Variants in SRPK2 observed in about 807,000 individuals in gnomAD.
The protein encoded by SRPK2 is SRSF protein kinase 2.
A neutral mutation model predicts 90.8 loss-of-function variants in SRPK2; 21 were observed. The ratio of observed to expected loss-of-function variants is 0.23; its 90% CI spans 0.16 to 0.33. SRPK2 has a LOEUF of 0.33. SRPK2 is among the 10% of genes least tolerant of loss of function. The pLI is 1.00. For missense variants in SRPK2, 620 were observed against 869.0 expected (o/e 0.71, Z 3.60); for synonymous variants, 288 against 311.1 (o/e 0.93, Z 0.78).
intron 2 of SRPK2, among the ~76,000 whole-genome samples, chr7:105,355,991 T>C (rs1489183077): frequency 6.6e-6 from 1 of 152,082 alleles, no homozygotes; most frequent in Non-Finnish European, 1.5e-5. Context: ...GAAGTTTCAG[T>C]GAGCTGAGAC....
At chr7:105,300,393 T>C (rs1810396510) in intron 2 of SRPK2, among the ~76,000 whole-genome samples, 1 of 151,808 alleles carries the variant, frequency 6.6e-6, no homozygotes, top group African/African-American at 2.4e-5. Context: ...CAAACACAAA[T>C]GTGACTATAA....
chr7:105,314,608 T>C (rs1295321839), intron 2 of SRPK2, among the ~76,000 whole-genome samples: 1 of 152,090 alleles, frequency 6.6e-6, no homozygotes, highest in Non-Finnish European at 1.5e-5. Flanking sequence ...GGTCTCAAAC[T>C]CCTGACCTCA....
At chr7:105,343,899 A>T (rs1816130694) in intron 2 of SRPK2, among the ~76,000 whole-genome samples, 1 of 152,014 alleles carries the variant, frequency 6.6e-6, no homozygotes, top group Non-Finnish European at 1.5e-5. Context: ...AGTAGCTGGG[A>T]TTACAGGCAT....
chr7:105,246,228 T>G (rs998514157), intron 2 of SRPK2, among the ~76,000 whole-genome samples: 2 of 152,162 alleles, frequency 1.3e-5, no homozygotes, highest in Admixed American at 1.3e-4. Flanking sequence ...GTAATTTCTG[T>G]CACCGACCCC....
chr7:105,394,145 CT>C (rs746514839), upstream of SRPK2, among the ~76,000 whole-genome samples: 361 of 139,806 alleles, frequency 2.6e-3, no homozygotes, highest in Middle Eastern at 7.6e-3. Context: ...TTCTTTCTTT[CT>C]TTTTTTTTTT....
In SRPK2 at chr7:105,286,036, G is replaced by A. The variant is rs73715555; in HGVS notation, c.72-82251C>T. Among the ~76,000 whole-genome samples, 517 of 152,070 alleles carry A rather than the reference G, an allele frequency of 3.4e-3. 2 individuals are homozygous for A. Among genetic ancestry groups the A allele is most frequent in the African/African-American group, 0.012 (480 of 41,462 alleles). ...ATATCCCTGTAAGATAAATACTATC[G>A]CATTATCTTCATTTTACAGGAAAAC... On this transcript the variant is annotated intron_variant, in intron 2 of 15. Coordinates refer to ENST00000393651, the MANE Select transcript of SRPK2 (RefSeq NM_182692.3).
In SRPK2 at chr7:105,345,153, G is replaced by C. The variant is rs1194874351; in HGVS notation, c.71+43495C>G. ...CTCCATCAAGGACAGGAGAGGAGGGGAGAGGGCAGGGGAAGGCAAGGGAGG... is the reference window on the plus strand; with the variant it reads ...CTCCATCAAGGACAGGAGAGGAGGGCAGAGGGCAGGGGAAGGCAAGGGAGG... On this transcript the variant is annotated intron_variant, in intron 2 of 15. Transcript: ENST00000393651. Among the ~76,000 whole-genome samples the C allele has an allele frequency of 2.1e-5, 3 of 145,376 alleles. No homozygotes were observed. The Admixed American group carries it at 2.1e-4, about 10-fold the overall frequency.
chr7:105,138,708 G>A (rs1258764750), intron 11 of SRPK2, among the ~76,000 whole-genome samples: 2 of 152,288 alleles, frequency 1.3e-5, no homozygotes, highest in East Asian at 3.9e-4. Flanking sequence ...GCTGAGGTGG[G>A]AGGATCACTT....
rs1421148977 is a variant in SRPK2 at position 105,384,141 on chromosome 7, A to G, written c.71+4507T>C. Among the ~76,000 whole-genome samples, 6 of 152,338 alleles carry G rather than the reference A, an allele frequency of 3.9e-5. No individual in the cohort carries two copies. In the East Asian group the frequency reaches 1.2e-3, roughly 29 times the overall value. On this transcript the variant is annotated intron_variant, in intron 2 of 15. Coordinates refer to ENST00000393651, the MANE Select transcript of SRPK2 (RefSeq NM_182692.3). ...ATATCCCAATAAAAGTTATGAAAAA[A>G]ATAAATGAAAGAGATATTTTAAAAA...
intron 2 of SRPK2, among the ~76,000 whole-genome samples, chr7:105,349,979 C>T (rs1227185760): frequency 6.7e-6 from 1 of 150,062 alleles, no homozygotes; most frequent in Admixed American, 6.7e-5. Flanking sequence ...ACTTGTGATC[C>T]ACCTGCCTCA....
intron 2 of SRPK2, among the ~76,000 whole-genome samples, chr7:105,240,966 G>C (rs1208636735): frequency 6.6e-6 from 1 of 152,094 alleles, no homozygotes; most frequent in Non-Finnish European, 1.5e-5. Context: ...TTTAAAGAAT[G>C]TTCCAGTATC....
intron 3 of SRPK2, among the ~76,000 whole-genome samples, chr7:105,187,092 C>A (rs144290272): frequency 1.3e-5 from 2 of 152,214 alleles, no homozygotes; most frequent in African/African-American, 2.4e-5. Flanking sequence ...AAATCATGAA[C>A]AAAATTAAAA....
chr7:105,301,798 G>A, intron 2 of SRPK2: 3 of 1,566,790 alleles, frequency 1.9e-6, no homozygotes, highest in Non-Finnish European at 2.6e-6. Context: ...GCTAATCTTG[G>A]AACCGCTATG....
intron 2 of SRPK2, among the ~76,000 whole-genome samples, chr7:105,225,015 C>G (rs1798544193): frequency 6.6e-6 from 1 of 152,060 alleles, no homozygotes; most frequent in Non-Finnish European, 1.5e-5. Flanking sequence ...TTAAATTTAC[C>G]TAGAAGACTG....
At chr7:105,160,342 TAA>T (rs1807420526) in intron 7 of SRPK2, 163 bp downstream of exon 7, 2 of 425,548 alleles carry the variant, frequency 4.7e-6, no homozygotes, top group Non-Finnish European at 8.5e-6. Context: ...ACTGACTTAA[TAA>T]GAGTTCAAAA....
intron 2 of SRPK2, among the ~76,000 whole-genome samples, chr7:105,307,733 A>G (rs1178339549): frequency 6.6e-6 from 1 of 152,114 alleles, no homozygotes; most frequent in Non-Finnish European, 1.5e-5. Flanking sequence ...TTTCCCCCTT[A>G]TTTCCACATT....
chr7:105,235,448 C>T (rs956786026), intron 2 of SRPK2, among the ~76,000 whole-genome samples: 2 of 125,754 alleles, frequency 1.6e-5, no homozygotes, highest in Non-Finnish European at 3.3e-5. Flanking sequence ...TTCACTTCTA[C>T]GTTGTCTGGG....
chr7:105,121,069 C>T (rs185943195), intron 15 of SRPK2, among the ~76,000 whole-genome samples: 163 of 152,262 alleles, frequency 1.1e-3, no homozygotes, highest in South Asian at 3.5e-3. Context: ...TGTCATCGGC[C>T]GGGCACGGTG....
intron 2 of SRPK2, chr7:105,297,608 TC>T: frequency 2.2e-6 from 1 of 464,418 alleles, no homozygotes; most frequent in Non-Finnish European, 2.8e-6. Flanking sequence ...TAAAAGGTCT[TC>T]CGAGATTATC....
Sources: gnomAD v4.1 joint callset for allele counts (sites outside exome capture counted in the v4.1 genomes callset) on GRCh38, gnomAD v4.1.1 for gene constraint, MANE v1.5 for transcripts, NCBI Gene and HGNC (gene_info 2026-07-23, HGNC 2026-07-21) for gene names.